RXRA: variants seen among roughly 807,000 people sequenced by gnomAD.
RXRA encodes the protein retinoic acid receptor RXR-alpha.
In RXRA, 5 loss-of-function variants were observed where a neutral mutation model predicts 44.5. That is an observed-to-expected ratio of 0.11 (90% confidence interval 0.06 to 0.24). The LOEUF is 0.24. Ranked by LOEUF, RXRA falls within the 10% of genes least tolerant of loss-of-function variation. The pLI is 1.00. For missense variants in RXRA, 412 were observed against 646.5 expected (o/e 0.64, Z 3.93); for synonymous variants, 291 against 271.4 (o/e 1.07, Z -0.71).
chr9:134,327,929 A>G (rs1490700889), intron 1 of RXRA, among the ~76,000 whole-genome samples: 2 of 152,178 alleles, frequency 1.3e-5, no homozygotes, highest in African/African-American at 2.4e-5. Flanking sequence ...AATGAGCTCC[A>G]GGGCTCAGCC....
chr9:134,401,803 T>C lies in RXRA; in HGVS notation c.200T>C (p.Val67Ala). 1.2e-6 allele frequency: 2 copies of C among 1,612,954 alleles called. No individual in the cohort carries two copies. Among genetic ancestry groups the C allele is most frequent in the Non-Finnish European group, 1.7e-6 (2 of 1,179,804 alleles). ...AACGGCATGGGCCCGCCTTTCTCGGTCATCAGCTCCCCCATGGGCCCCCAC... is the reference window on the plus strand; with the variant it reads ...AACGGCATGGGCCCGCCTTTCTCGGCCATCAGCTCCCCCATGGGCCCCCAC... ...PINGMGPPFS[V>A]ISSPMGPHSM... The change falls in exon 2 of 10, where the codon GTC becomes GCC. Residue 67 changes from valine (V) to alanine (A), a missense_variant. Physicochemically the swap from Val to Ala is moderately conservative, Grantham distance 64. Transcript: ENST00000481739.
intron 1 of RXRA, among the ~76,000 whole-genome samples, chr9:134,385,474 C>T (rs989227988): frequency 1.3e-4 from 20 of 152,218 alleles, no homozygotes; most frequent in African/African-American, 3.4e-4. Context: ...TTGCCAGGCC[C>T]GGTGACTCCC....
intron 1 of RXRA, among the ~76,000 whole-genome samples, chr9:134,363,688 TCTGCCTGAGCA>T (rs1484231441): frequency 6.6e-6 from 1 of 152,182 alleles, no homozygotes; most frequent in Non-Finnish European, 1.5e-5. Context: ...TTGGCTGCTG[TCTGCCTGAGCA>T]CTGCCTGTGC....
chr9:134,421,013 G>A (rs907565501), intron 5 of RXRA, among the ~76,000 whole-genome samples: 4 of 152,250 alleles, frequency 2.6e-5, no homozygotes, highest in Non-Finnish European at 5.9e-5. Flanking sequence ...TGTCCCCAGC[G>A]TGGGCCACCT....
intron 1 of RXRA, among the ~76,000 whole-genome samples, chr9:134,357,712 C>T (rs182784149): frequency 3.9e-5 from 6 of 152,334 alleles, no homozygotes; most frequent in Non-Finnish European, 7.4e-5. Flanking sequence ...CAGAACCTTC[C>T]AGAACACAAA....
At chr9:134,410,498 T>TGCCCAGCCTGGAGAGGTGTGG (rs1831130621) in intron 4 of RXRA, among the ~76,000 whole-genome samples, 2 of 152,134 alleles carry the variant, frequency 1.3e-5, no homozygotes, top group Admixed American at 6.5e-5. Flanking sequence ...GAGAGGTGTG[T>TGCCCAGCCTGGAGAGGTGTGG]ACCCAGCCTG....
At chr9:134,402,582 T>C (rs1455900504) in intron 2 of RXRA, 1 of 152,274 alleles carries the variant, frequency 6.6e-6, no homozygotes, top group Non-Finnish European at 1.5e-5. Context: ...ATGGAGAACT[T>C]GGGGACCTGG....
chr9:134,363,336 G>A (rs940174510), intron 1 of RXRA, among the ~76,000 whole-genome samples: 4 of 152,220 alleles, frequency 2.6e-5, no homozygotes, highest in African/African-American at 4.8e-5. Context: ...GGAGCCTGGC[G>A]GTGGGCCCTG....
intron 4 of RXRA, among the ~76,000 whole-genome samples, chr9:134,409,600 C>G (rs1272017869): frequency 6.6e-6 from 1 of 152,218 alleles, no homozygotes; most frequent in Admixed American, 6.5e-5. Context: ...AGTCCCTCCC[C>G]CGATGTCACC....
chr9:134,423,974 G>T, intron 6 of RXRA: 1 of 982,682 alleles, frequency 1.0e-6, no homozygotes, highest in Non-Finnish European at 1.2e-6. Context: ...GCCTGGCGGA[G>T]GTCCGAGTCG....
At chr9:134,351,227 G>A (rs1020120485) in intron 1 of RXRA, among the ~76,000 whole-genome samples, 113 of 152,338 alleles carry the variant, frequency 7.4e-4, no homozygotes, top group African/African-American at 2.5e-3. Flanking sequence ...GGGCTAGGAG[G>A]CCCGGCGGGA....
chr9:134,413,967 C>T lies in RXRA; in HGVS notation c.611-3191C>T, dbSNP rs532593549. On this transcript the variant is annotated intron_variant, in intron 4 of 9. Coordinates refer to ENST00000481739, the MANE Select transcript of RXRA (RefSeq NM_002957.6). ...CTCTGCCTCCTCCAGCCGCCACGCT[C>T]TGGTCTGGAGGGTAAAGAGGCTCTG... is the stretch of plus-strand genomic sequence containing the variant. Among the ~76,000 whole-genome samples, 104 of 152,312 alleles carry T rather than the reference C, an allele frequency of 6.8e-4. 1 individual carries two copies. Among genetic ancestry groups the T allele is most frequent in the Non-Finnish European group, 1.1e-3 (73 of 68,016 alleles).
At chr9:134,353,578 C>T (rs1554749733) in intron 1 of RXRA, among the ~76,000 whole-genome samples, 5 of 152,248 alleles carry the variant, frequency 3.3e-5, no homozygotes, top group South Asian at 2.1e-4. Context: ...CACGAGTCCA[C>T]GAGCCCCTGT....
chr9:134,330,172 CAG>C (rs1388566716), intron 1 of RXRA, among the ~76,000 whole-genome samples: 1 of 152,184 alleles, frequency 6.6e-6, no homozygotes, highest in African/African-American at 2.4e-5. Flanking sequence ...CCAGCAGACA[CAG>C]GGCAGAGGCC....
intron 1 of RXRA, among the ~76,000 whole-genome samples, chr9:134,341,147 G>A (rs1033146919): frequency 1.3e-5 from 2 of 152,206 alleles, no homozygotes; most frequent in African/African-American, 4.8e-5. Context: ...AGGCCCCGCC[G>A]TGGGTGGTGG....
At position 134,326,659 on chromosome 9, in the gene RXRA, G is replaced by A. The variant is rs1834915204; in HGVS notation, c.28G>A (p.Asp10Asn). The part of the protein sequence containing the change: MDTKHFLPL[D>N]FSTQVNSSLT... The stretch of plus-strand genomic sequence containing the variant: ...GGACACCAAACATTTCCTGCCGCTC[G>A]GTGAGTGCTCGCCGGGCCGGGCGGG... Residue 10 changes from aspartate to asparagine, a missense_variant and splice_region_variant, in exon 1 of 10, where the codon GAT becomes AAT. Transcript: ENST00000481739. 2 of 960,440 alleles carry A rather than the reference G, an allele frequency of 2.1e-6. No individual in the cohort carries two copies. 59.5% of individuals were successfully genotyped at this position (960,440 alleles called of 1,614,324 possible).
chr9:134,390,744 A>ACGTCC (rs1475561809), intron 1 of RXRA, among the ~76,000 whole-genome samples: 1 of 151,594 alleles, frequency 6.6e-6, no homozygotes, highest in African/African-American at 2.4e-5. Flanking sequence ...CAGCGGGCTG[A>ACGTCC]CGTCCCGTTC....
chr9:134,354,250 T>C (rs1238496333), intron 1 of RXRA, among the ~76,000 whole-genome samples: 1 of 152,206 alleles, frequency 6.6e-6, no homozygotes, highest in Non-Finnish European at 1.5e-5. Flanking sequence ...ATCCTGGCCC[T>C]GCGGTCTCTG....
intron 1 of RXRA, among the ~76,000 whole-genome samples, chr9:134,340,591 T>A (rs1317186158): frequency 6.6e-6 from 1 of 151,942 alleles, no homozygotes; most frequent in African/African-American, 2.4e-5. Context: ...AGCACTCAGA[T>A]CCCTTTCTGC....
Sources: allele counts gnomAD v4.1 joint callset (sites outside exome capture counted in the v4.1 genomes callset), GRCh38; gene constraint gnomAD v4.1.1; transcripts MANE v1.5; gene names NCBI Gene and HGNC (gene_info 2026-07-23, HGNC 2026-07-21).